ADAM7: variants seen among roughly 807,000 people sequenced by gnomAD.
ADAM7 encodes the protein disintegrin and metalloproteinase domain-containing protein 7.
A neutral mutation model predicts 102.9 loss-of-function variants in ADAM7; 97 were observed. The ratio of observed to expected loss-of-function variants is 0.94; its 90% CI spans 0.80 to 1.12. ADAM7 has a LOEUF of 1.12. Among genes scored for constraint, ADAM7 ranks in the 50% most tolerant of loss-of-function variants. The pLI is 0.00. For missense variants in ADAM7, 991 were observed against 908.7 expected (o/e 1.09, Z -1.16); for synonymous variants, 334 against 304.4 (o/e 1.10, Z -1.01).
chr8:24,508,435 A>G, intron 21 of ADAM7, 111 bp from the exon 22 acceptor site: 4 of 1,111,692 alleles, frequency 3.6e-6, no homozygotes, highest in Non-Finnish European at 4.0e-6. Flanking sequence ...ATGTAGGACT[A>G]CAGAACACAG....
chr8:24,496,748 A>T (rs1820568390), intron 16 of ADAM7, among the ~76,000 whole-genome samples: 1 of 152,182 alleles, frequency 6.6e-6, no homozygotes, highest in Admixed American at 6.5e-5. Flanking sequence ...TATTTATCCA[A>T]TGCCTGTACC....
Position 24,493,082 on chromosome 8 carries a change from G to A in ADAM7, c.1695G>A (p.Glu565=), listed in dbSNP as rs1405419226. 1.9e-6 allele frequency: 3 copies of A among 1,609,804 alleles called. No individual in the cohort carries two copies. In the Admixed American group the frequency reaches 5.1e-5, roughly 27 times the overall value. ...GAAAGATCTACTGCACTGGAGGGGA[G>A]CTTTCCTCTCTCCTTGGAGAAGACA... is the stretch of plus-strand genomic sequence containing the variant. The part of the protein sequence containing the change: ...RCGKIYCTGG[E]LSSLLGEDKT... Residue 565 remains glutamate (E), a synonymous_variant, in exon 16 of 22, where the codon GAG becomes GAA. Coordinates refer to ENST00000175238, the MANE Select transcript of ADAM7 (RefSeq NM_003817.4).
At position 24,509,226 on chromosome 8, in the gene ADAM7, T is replaced by G. The variant is rs1019659745; in HGVS notation, c.*680T>G. The G allele has an allele frequency of 3.0e-6, 3 of 985,330 alleles. No homozygotes were observed. The highest frequency in any genetic ancestry group is 3.6e-6 in the Non-Finnish European group (3 of 829,984). The allele number at this position is 985,330 out of a possible 1,614,324, so 61.0% of individuals were successfully genotyped here. A position where few individuals can be genotyped will look rare whatever the true frequency, so the allele number is the denominator to read the frequency against. On this transcript the variant is annotated 3_prime_UTR_variant, in exon 22 of 22. Transcript: ENST00000175238. ...GAGAAATCAGAGGGTTACAAGAATTTCAGAAAATTTACTCCAAGTGAGAGG... is the reference window on the plus strand; with the variant it reads ...GAGAAATCAGAGGGTTACAAGAATTGCAGAAAATTTACTCCAAGTGAGAGG...
intron 3 of ADAM7, among the ~76,000 whole-genome samples, chr8:24,450,378 T>C (rs1818735977): frequency 6.6e-6 from 1 of 152,170 alleles, no homozygotes; most frequent in African/African-American, 2.4e-5. Flanking sequence ...CCCTTGTAAG[T>C]TGGATTCCTA....
At position 24,447,178 on chromosome 8, in the gene ADAM7, T is replaced by C; in HGVS notation, c.157-8T>C. 6.6e-7 allele frequency: 1 copy of C among 1,524,400 alleles called. No homozygotes were observed. Among genetic ancestry groups the C allele is most frequent in the Non-Finnish European group, 9.0e-7 (1 of 1,115,394 alleles). The allele number at this position is 1,524,400 out of a possible 1,614,324, so 94.4% of individuals were successfully genotyped here. A position where few individuals can be genotyped will look rare whatever the true frequency, so the allele number is the denominator to read the frequency against. On this transcript the variant is annotated splice_region_variant and splice_polypyrimidine_tract_variant and intron_variant, in intron 2 of 21. Coordinates refer to ENST00000175238, the MANE Select transcript of ADAM7 (RefSeq NM_003817.4). ...TGTTGAAGTCACGTGATGCCTCTTC[T>C]TTTTTAGAAAACGTATGAAGAAGAA...
intron 4 of ADAM7, 90 bp from the exon 5 acceptor site, chr8:24,465,609 G>T (rs1255769131): frequency 1.7e-5 from 11 of 663,984 alleles, no homozygotes; most frequent in Non-Finnish European, 2.5e-5. Context: ...ATAAAACATT[G>T]ATATATTCTG....
At chr8:24,508,447 A>G in intron 21 of ADAM7, 99 bp from the exon 22 acceptor site, 1 of 1,234,504 alleles carries the variant, frequency 8.1e-7, no homozygotes, top group South Asian at 1.3e-5. Context: ...AGAACACAGA[A>G]AGGTTATTCT....
chr8:24,485,390 A>G (rs370216086), intron 10 of ADAM7, 29 bp downstream of exon 10: 1 of 1,586,278 alleles, frequency 6.3e-7, no homozygotes, highest in African/African-American at 1.4e-5. Context: ...ATATTACTTA[A>G]TAATGTTTGA....
At chr8:24,448,061 T>C (rs7832542) in intron 3 of ADAM7, among the ~76,000 whole-genome samples, 32 of 152,024 alleles carry the variant, frequency 2.1e-4, no homozygotes, top group African/African-American at 6.3e-4. Context: ...CATAACCATA[T>C]TGATAATACA....
rs147421261 is a variant in ADAM7, at chr8:24,482,340, C to G, written c.875+29C>G. The G allele has an allele frequency of 7.6e-6, 12 of 1,571,142 alleles. No homozygotes were observed. In the African/African-American group the frequency reaches 1.7e-4, roughly 22 times the overall value. On this transcript the variant is annotated intron_variant, in intron 9 of 21. Transcript: ENST00000175238. ...GGTGATTGCTCTATTTTCTTGCATA[C>G]CTTTGGTGGATTATTACAAAAGAAA...
intron 16 of ADAM7, 25 bp downstream of exon 16, chr8:24,493,254 T>G: frequency 2.6e-6 from 4 of 1,549,384 alleles, no homozygotes; most frequent in Non-Finnish European, 3.5e-6. Context: ...CTTTGTTTTA[T>G]TAAAACTTCT....
At chr8:24,484,399 C>T (rs1031925144) in intron 9 of ADAM7, among the ~76,000 whole-genome samples, 42 of 152,228 alleles carry the variant, frequency 2.8e-4, no homozygotes, top group African/African-American at 9.1e-4. Context: ...AAATAATATT[C>T]CTGAAATCAA....
At chr8:24,454,688 C>G (rs1458195276) in intron 3 of ADAM7, among the ~76,000 whole-genome samples, 1 of 152,094 alleles carries the variant, frequency 6.6e-6, no homozygotes, top group Non-Finnish European at 1.5e-5. Flanking sequence ...TCTGGCACTC[C>G]CTAGTGAGAT....
intron 3 of ADAM7, among the ~76,000 whole-genome samples, chr8:24,454,453 G>C (rs570503531): frequency 6.6e-6 from 1 of 152,162 alleles, no homozygotes; most frequent in East Asian, 1.9e-4. Context: ...AAGACCCTCC[G>C]AGCCAGGTGC....
chr8:24,500,401 A>G (rs1437448655), intron 18 of ADAM7, 145 bp downstream of exon 18: 4 of 677,310 alleles, frequency 5.9e-6, no homozygotes, highest in Non-Finnish European at 9.8e-6. Context: ...GAATACCCAA[A>G]TTGATTTTAC....
rs1820374943 is a variant in ADAM7, at chr8:24,491,961, TG to T, written c.1416del (p.Met472IlefsTer49). On this transcript the variant is annotated frameshift_variant, in exon 14 of 22. Coordinates refer to ENST00000175238, the MANE Select transcript of ADAM7 (RefSeq NM_003817.4). LOFTEE classifies it high-confidence loss of function. ...PAKDECDFPE[M>X]CTGHSPACPK... ...AAAGATGAATGTGATTTTCCTGAGA[TG>T]TGCACTGGCCACTCGCCTGCCTGTC... is the stretch of plus-strand genomic sequence containing the variant. The T allele has an allele frequency of 6.2e-7, 1 of 1,613,792 alleles. No homozygotes were observed. The highest frequency in any genetic ancestry group is 8.5e-7 in the Non-Finnish European group (1 of 1,179,822).
intron 18 of ADAM7, 149 bp downstream of exon 18, chr8:24,500,405 A>C (rs1302278423): frequency 1.6e-6 from 1 of 644,342 alleles, no homozygotes; most frequent in Non-Finnish European, 2.6e-6. Flanking sequence ...ACCCAAATTG[A>C]TTTTACTGCA....
intron 2 of ADAM7, 141 bp downstream of exon 2, chr8:24,442,717 T>G (rs1276188426): frequency 3.0e-6 from 2 of 676,586 alleles, no homozygotes; most frequent in Admixed American, 2.4e-5. Context: ...ACCATGTGCT[T>G]GGGAATAAGC....
At chr8:24,501,635 A>C (rs1820764396) in intron 20 of ADAM7, 59 bp downstream of exon 20, 2 of 1,350,576 alleles carry the variant, frequency 1.5e-6, no homozygotes, top group African/African-American at 1.5e-5. Context: ...AAGTAGCTGA[A>C]TGTGTTTAAA....
Sources: allele counts gnomAD v4.1 joint callset (sites outside exome capture counted in the v4.1 genomes callset), GRCh38; gene constraint gnomAD v4.1.1; transcripts MANE v1.5; gene names NCBI Gene and HGNC (gene_info 2026-07-23, HGNC 2026-07-21).